PRELID2: variants seen among roughly 807,000 people sequenced by gnomAD.
PRELID2 encodes the protein PRELI domain containing 2.
In PRELID2, 25 loss-of-function variants were observed where a neutral mutation model predicts 28.4. The ratio of observed to expected loss-of-function variants is 0.88; its 90% confidence interval spans 0.64 to 1.23. PRELID2 has a LOEUF of 1.23. Ranked by LOEUF, PRELID2 falls within the 50% of genes most tolerant of loss-of-function variation. The pLI is 0.00. For synonymous variants in PRELID2, 76 were observed against 71.6 expected, an observed-to-expected ratio of 1.06 and a Z score of -0.31; for missense variants, 201 against 214.4, an observed-to-expected ratio of 0.94 and a Z score of 0.39.
At chr5:145,593,573 A>C (rs762663799) in intron 1 of PRELID2, among the ~76,000 whole-genome samples, 4 of 152,212 alleles carry the variant, frequency 2.6e-5, no homozygotes, top group Non-Finnish European at 5.9e-5. Flanking sequence ...GAATCAACTC[A>C]TTAGACAGAA....
the PRELID2 span, among the ~76,000 whole-genome samples, chr5:145,333,316 C>T: frequency 6.6e-6 from 1 of 152,208 alleles, no homozygotes; most frequent in Non-Finnish European, 1.5e-5. Flanking sequence ...AGATCCACTG[C>T]TCTCTTCAGA....
the PRELID2 span, among the ~76,000 whole-genome samples, chr5:145,259,375 G>A: frequency 6.6e-6 from 1 of 152,130 alleles, no homozygotes; most frequent in Non-Finnish European, 1.5e-5. Flanking sequence ...AAAGCCACAG[G>A]CACTCTAGAT....
intron 1 of PRELID2, among the ~76,000 whole-genome samples, chr5:145,742,325 TA>T (rs1313734841): frequency 6.7e-5 from 3 of 44,800 alleles, no homozygotes; most frequent in African/African-American, 1.5e-4. Flanking sequence ...TAAAAATAGA[TA>T]TATTTTTTTT....
At chr5:145,307,253 G>A in the PRELID2 span, among the ~76,000 whole-genome samples, 1 of 152,132 alleles carries the variant, frequency 6.6e-6, no homozygotes, top group Non-Finnish European at 1.5e-5. Flanking sequence ...AGCCTCCAGA[G>A]CTCCCTCTGC....
chr5:145,735,947 T>C (rs1371308650), intron 1 of PRELID2, among the ~76,000 whole-genome samples: 1 of 152,216 alleles, frequency 6.6e-6, no homozygotes, highest in Non-Finnish European at 1.5e-5. Context: ...AGTAGAATTT[T>C]AGCTCATCAG....
chr5:145,392,398 G>T, the PRELID2 span, among the ~76,000 whole-genome samples: 1 of 152,190 alleles, frequency 6.6e-6, no homozygotes, highest in African/African-American at 2.4e-5. Context: ...CAGCATGAGA[G>T]TAACCACCTC....
At chr5:145,414,384 C>G in the PRELID2 span, among the ~76,000 whole-genome samples, 1 of 152,174 alleles carries the variant, frequency 6.6e-6, no homozygotes, top group Non-Finnish European at 1.5e-5. Flanking sequence ...AAAGTAACCC[C>G]CCAGGCCTGC....
At chr5:145,241,935 T>C in the PRELID2 span, among the ~76,000 whole-genome samples, 1 of 151,664 alleles carries the variant, frequency 6.6e-6, no homozygotes, top group South Asian at 2.1e-4. Context: ...TCAAAAGAAA[T>C]GCTATTGCAT....
chr5:145,235,514 T>G, the PRELID2 span, among the ~76,000 whole-genome samples: 1 of 152,164 alleles, frequency 6.6e-6, no homozygotes, highest in Non-Finnish European at 1.5e-5. Flanking sequence ...CAACAAGAAT[T>G]GGCACTCAAA....
rs1042180001 is a variant in PRELID2 at position 145,756,649 on chromosome 5, T to A, written c.*3887A>T. Reference sequence around the variant, plus strand: ...TGCAGATGAGGATAAAGAAGTAAGTTAGGGGAAGAGAGTTGAGCCACTGAA... The same window carrying A: ...TGCAGATGAGGATAAAGAAGTAAGTAAGGGGAAGAGAGTTGAGCCACTGAA... On this transcript the variant is annotated 3_prime_UTR_variant, in exon 7 of 7. Transcript: ENST00000683046. 2.0e-5 allele frequency among the ~76,000 whole-genome samples: 3 copies of A among 152,178 alleles called. No homozygotes were observed. The highest frequency in any genetic ancestry group is 7.2e-5 in the African/African-American group (3 of 41,448).
chr5:145,386,896 A>G, the PRELID2 span, among the ~76,000 whole-genome samples: 2 of 152,178 alleles, frequency 1.3e-5, no homozygotes, highest in Non-Finnish European at 2.9e-5. Context: ...TATAACATTA[A>G]TTCTCCTGGG....
At chr5:145,472,338 C>A (rs185863611) in intron 2 of PRELID2, among the ~76,000 whole-genome samples, 134 of 152,226 alleles carry the variant, frequency 8.8e-4, no homozygotes, top group Admixed American at 2.2e-3. Context: ...CTCTCCACAG[C>A]CCCATAGGAC....
At chr5:145,704,513 A>G (rs1416263086) in intron 1 of PRELID2, among the ~76,000 whole-genome samples, 1 of 152,242 alleles carries the variant, frequency 6.6e-6, no homozygotes, top group Non-Finnish European at 1.5e-5. Flanking sequence ...GTACTACTTG[A>G]GAATCACTTG....
chr5:145,266,118 GA>G, the PRELID2 span, among the ~76,000 whole-genome samples: 18 of 151,248 alleles, frequency 1.2e-4, no homozygotes, highest in African/African-American at 4.4e-4. Flanking sequence ...AAATCAGCAA[GA>G]AAAAAAATAA....
intron 1 of PRELID2, among the ~76,000 whole-genome samples, chr5:145,727,275 T>C (rs1214715389): frequency 6.6e-6 from 1 of 152,164 alleles, no homozygotes; most frequent in Non-Finnish European, 1.5e-5. Context: ...GTTCATGCCC[T>C]GAGCCCTGGA....
chr5:145,590,809 C>T (rs1469141062), intron 1 of PRELID2, among the ~76,000 whole-genome samples: 1 of 152,042 alleles, frequency 6.6e-6, no homozygotes, highest in Non-Finnish European at 1.5e-5. Flanking sequence ...CTCTGGCCCC[C>T]AGAGTTTGCC....
intron 1 of PRELID2, among the ~76,000 whole-genome samples, chr5:145,600,685 T>A (rs977109835): frequency 1.9e-4 from 29 of 151,930 alleles, no homozygotes; most frequent in African/African-American, 6.8e-4. Flanking sequence ...GCAATCAAAT[T>A]TGTGTTAACA....
chr5:145,353,320 G>A, the PRELID2 span, among the ~76,000 whole-genome samples: 1 of 151,966 alleles, frequency 6.6e-6, no homozygotes, highest in Non-Finnish European at 1.5e-5. Context: ...AAAATCAGCT[G>A]GGTGTGGTAG....
chr5:145,402,612 CCTCT>C, the PRELID2 span, among the ~76,000 whole-genome samples: 1 of 152,134 alleles, frequency 6.6e-6, no homozygotes, highest in African/African-American at 2.4e-5. Context: ...AAATGTTTAA[CCTCT>C]CTGAGTCTCT....
Sources: allele counts gnomAD v4.1 joint callset (sites outside exome capture counted in the v4.1 genomes callset), GRCh38; gene constraint gnomAD v4.1.1; transcripts MANE v1.5; gene names NCBI Gene and HGNC (gene_info 2026-07-23, HGNC 2026-07-21).